PREP: variants seen among roughly 807,000 people sequenced by gnomAD.
The protein encoded by PREP is prolyl endopeptidase.
Under a neutral mutation model 87.6 loss-of-function variants are expected in PREP, and 29 were observed. That is an observed-to-expected ratio of 0.33 (90% confidence interval 0.25 to 0.45). The LOEUF (loss-of-function observed/expected upper bound fraction) is 0.45, where lower values mean the gene tolerates loss of function less well. Ranked by LOEUF, PREP falls within the 20% of genes least tolerant of loss-of-function variation. PREP has a pLI of 1.00. For synonymous variants in PREP, 337 were observed against 328.6 expected (o/e 1.03, Z -0.28); for missense variants, 695 against 886.5 (o/e 0.78, Z 2.74).
In PREP at chr6:105,277,122, T is replaced by C. The variant is rs941157864; in HGVS notation, c.*1022A>G. On this transcript the variant is annotated 3_prime_UTR_variant, in exon 15 of 15. Coordinates refer to ENST00000652536, the MANE Select transcript of PREP (RefSeq NM_002726.5). Reference sequence around the variant, plus strand: ...ATTTTATGGATGAAAGTTTAAGGAATAGTATATCTTAAAAATCTTGGGGGT... The same window carrying C: ...ATTTTATGGATGAAAGTTTAAGGAACAGTATATCTTAAAAATCTTGGGGGT... Among the ~76,000 whole-genome samples the C allele has an allele frequency of 6.6e-6, 1 of 151,678 alleles. No individual in the cohort carries two copies. The highest frequency in any genetic ancestry group is 2.4e-5 in the African/African-American group (1 of 41,310).
chr6:105,317,445 A>G (rs539201153), intron 10 of PREP, among the ~76,000 whole-genome samples: 6 of 152,310 alleles, frequency 3.9e-5, no homozygotes, highest in African/African-American at 1.4e-4. Context: ...CCTTGTCTGT[A>G]AAATAAGAGG....
rs1770241494 is a variant in PREP at position 105,288,815 on chromosome 6, T to G, written c.1397A>C (p.His466Pro). 2.5e-6 allele frequency: 4 copies of G among 1,614,192 alleles called. No homozygotes were observed. Among genetic ancestry groups the G allele is most frequent in the Non-Finnish European group, 3.4e-6 (4 of 1,180,016 alleles). ...HKKGIKLDGS[H>P]PAFLYGYGGF... is the part of the protein sequence containing the mutation. ...GCCATAGCCATATAAGAAAGCTGGATGAGAGCCATCCAATTTTATGCCTTT... is the reference window on the plus strand; with the variant it reads ...GCCATAGCCATATAAGAAAGCTGGAGGAGAGCCATCCAATTTTATGCCTTT... Residue 466 changes from histidine (H) to proline (P), a missense_variant, in exon 11 of 15, where the codon CAT becomes CCT. By Grantham distance (77) the His-to-Pro change is moderately conservative (BLOSUM62 -2). Transcript: ENST00000652536.
In PREP at chr6:105,324,437, T is replaced by G. The variant is rs79825682; in HGVS notation, c.1214-669A>C. On this transcript the variant is annotated intron_variant, in intron 9 of 14. Coordinates refer to ENST00000652536, the MANE Select transcript of PREP (RefSeq NM_002726.5). ...CAGCGTATGTAACACTAATTAAACA[T>G]TTCCCAAATTTAATGCTACTACTTT... Among the ~76,000 whole-genome samples the G allele has an allele frequency of 6.9e-3, 1,058 of 152,300 alleles. 6 individuals carry two copies. Among genetic ancestry groups the G allele is most frequent in the Non-Finnish European group, 0.012 (821 of 68,030 alleles).
At chr6:105,300,891 C>A (rs1770519919) in intron 10 of PREP, among the ~76,000 whole-genome samples, 1 of 152,162 alleles carries the variant, frequency 6.6e-6, no homozygotes, top group Non-Finnish European at 1.5e-5. Flanking sequence ...ATCAATGGAA[C>A]ATTACTGTTC....
At position 105,274,179 on chromosome 6, in the gene PREP, C is replaced by T. The variant is rs577720136; in HGVS notation, c.*3965G>A. ...ACAACAGAAATTGCTCTCTCACAGT[C>T]CTAGAGTCTGGGACATCTAAGATCA... On this transcript the variant is annotated 3_prime_UTR_variant, in exon 15 of 15. Coordinates refer to ENST00000652536, the MANE Select transcript of PREP (RefSeq NM_002726.5). Among the ~76,000 whole-genome samples, 6 of 152,250 alleles carry T rather than the reference C, an allele frequency of 3.9e-5. No homozygotes were observed. Among genetic ancestry groups the T allele is most frequent in the African/African-American group, 9.6e-5 (4 of 41,542 alleles).
intron 7 of PREP, among the ~76,000 whole-genome samples, chr6:105,345,585 C>T (rs1203797281): frequency 1.3e-5 from 2 of 152,182 alleles, no homozygotes; most frequent in East Asian, 3.8e-4. Flanking sequence ...TTATACTTTA[C>T]AAAAACTCTA....
intron 5 of PREP, among the ~76,000 whole-genome samples, chr6:105,369,780 C>T (rs1348922730): frequency 6.6e-6 from 1 of 151,990 alleles, no homozygotes; most frequent in South Asian, 2.1e-4. Context: ...CTATAAAATT[C>T]CTAAATATAC....
In PREP at chr6:105,369,841, AC is replaced by A. The variant is rs1445815553; in HGVS notation, c.596-818del. ...AACAAACAAACAAACAAACAAAAAA[AC>A]GATTAAAAACTAGGCCAAAGGCCTT... is the stretch of plus-strand genomic sequence containing the variant. On this transcript the variant is annotated intron_variant, in intron 5 of 14. Coordinates refer to ENST00000652536, the MANE Select transcript of PREP (RefSeq NM_002726.5). Among the ~76,000 whole-genome samples, 8 of 152,350 alleles carry A rather than the reference AC, an allele frequency of 5.3e-5. No individual in the cohort carries two copies. In the East Asian group the frequency reaches 1.3e-3, roughly 26 times the overall value.
intron 4 of PREP, 53 bp from the exon 5 acceptor site, chr6:105,373,631 G>T: frequency 6.7e-7 from 1 of 1,501,020 alleles, no homozygotes; most frequent in South Asian, 1.2e-5. Flanking sequence ...ACAACTCCAC[G>T]GTCCTTTATG....
rs1772162498 is a variant in PREP, at chr6:105,358,604, G to A, written c.718-5527C>T. 2.6e-5 allele frequency among the ~76,000 whole-genome samples: 4 copies of A among 152,188 alleles called. No individual in the cohort carries two copies. In the South Asian group the frequency reaches 8.3e-4, roughly 32 times the overall value. The stretch of plus-strand genomic sequence containing the variant: ...GAGGTTATTAAAAAAACAGCCAAAA[G>A]CCACACCCCCATGCTTCTTCTCTGG... On this transcript the variant is annotated intron_variant, in intron 6 of 14. Transcript: ENST00000652536.
chr6:105,371,117 T>C (rs1052952067), intron 5 of PREP, among the ~76,000 whole-genome samples: 17 of 152,182 alleles, frequency 1.1e-4, no homozygotes, highest in Non-Finnish European at 5.9e-5. Context: ...AATGAATATG[T>C]GGGGGCAGGA....
intron 7 of PREP, 131 bp from the exon 8 acceptor site, chr6:105,333,636 C>A (rs1428743275): frequency 7.4e-6 from 7 of 949,210 alleles, no homozygotes; most frequent in Non-Finnish European, 1.1e-5. Flanking sequence ...AGATCTAGGG[C>A]ATGAAAAGGA....
intron 8 of PREP, among the ~76,000 whole-genome samples, chr6:105,331,531 T>A (rs1309541456): frequency 6.6e-6 from 1 of 152,166 alleles, no homozygotes; most frequent in Admixed American, 6.5e-5. Flanking sequence ...TATGAAGACT[T>A]ATGCCACCCA....
In PREP at chr6:105,348,751, C is replaced by T. The variant is rs146318182; in HGVS notation, c.823+4221G>A. ...AAAACTAGCCAGGTATGGTGGCATGCGCCTGTAGTCCCAGCTACTTGGGAG... is the reference window on the plus strand; with the variant it reads ...AAAACTAGCCAGGTATGGTGGCATGTGCCTGTAGTCCCAGCTACTTGGGAG... On this transcript the variant is annotated intron_variant, in intron 7 of 14. Coordinates refer to ENST00000652536, the MANE Select transcript of PREP (RefSeq NM_002726.5). Among the ~76,000 whole-genome samples the T allele has an allele frequency of 4.2e-4, 64 of 152,066 alleles. 1 individual carries two copies. The East Asian group carries it at 0.012, about 29-fold the overall frequency.
At chr6:105,346,754 T>C (rs1214027605) in intron 7 of PREP, among the ~76,000 whole-genome samples, 1 of 152,250 alleles carries the variant, frequency 6.6e-6, no homozygotes, top group Non-Finnish European at 1.5e-5. Context: ...TACGGTTCTT[T>C]TTGCCTAACA....
At chr6:105,355,877 CAG>C (rs372059412) in intron 6 of PREP, among the ~76,000 whole-genome samples, 3 of 152,194 alleles carry the variant, frequency 2.0e-5, no homozygotes, top group African/African-American at 7.2e-5. Flanking sequence ...TTTTTCATCT[CAG>C]AGTTTTATTT....
chr6:105,333,221 T>G (rs1454211416), intron 8 of PREP, 93 bp downstream of exon 8: 1 of 1,258,492 alleles, frequency 7.9e-7, no homozygotes, highest in Non-Finnish European at 1.1e-6. Context: ...TTTTTTACCT[T>G]GTAACAGATC....
chr6:105,334,055 A>G (rs936444629), intron 7 of PREP, among the ~76,000 whole-genome samples: 3 of 152,224 alleles, frequency 2.0e-5, no homozygotes, highest in Non-Finnish European at 4.4e-5. Flanking sequence ...AAAGGTCTAC[A>G]GTGCCAAGTC....
intron 2 of PREP, among the ~76,000 whole-genome samples, chr6:105,391,735 A>AGG (rs1773153162): frequency 6.6e-6 from 1 of 152,258 alleles, no homozygotes; most frequent in Non-Finnish European, 1.5e-5. Flanking sequence ...ACACGCCCTA[A>AGG]GGGACCGGGA....
Sources: gnomAD v4.1 joint callset for allele counts (sites outside exome capture counted in the v4.1 genomes callset) on GRCh38, gnomAD v4.1.1 for gene constraint, MANE v1.5 for transcripts, NCBI Gene and HGNC (gene_info 2026-07-23, HGNC 2026-07-21) for gene names.